The following KATNAL1 variants were observed in gnomAD, a reference collection of about 807,000 sequenced individuals.
The protein encoded by KATNAL1 is katanin p60 ATPase-containing subunit A-like 1.
Under a neutral mutation model 55.2 loss-of-function variants are expected in KATNAL1, and 32 were observed. The observed-to-expected ratio is 0.58, with a 90% CI of 0.44 to 0.78. The LOEUF (loss-of-function observed/expected upper bound fraction) is 0.78. Among genes scored for constraint, KATNAL1 ranks in the 30% least tolerant of loss-of-function variants. KATNAL1 has a pLI of 0.00. For synonymous variants in KATNAL1, 193 were observed against 193.6 expected (o/e 1.00, Z 0.02); for missense variants, 466 against 600.9 (o/e 0.78, Z 2.35).
At position 30,240,466 on chromosome 13, in the gene KATNAL1, T is replaced by C. The variant is rs1277694146; in HGVS notation, c.720A>G (p.Pro240=). The C allele has an allele frequency of 2.5e-6, 4 of 1,607,494 alleles. No individual in the cohort carries two copies. Among genetic ancestry groups the C allele is most frequent in the Admixed American group, 1.7e-5 (1 of 59,966 alleles). The change falls in exon 6 of 11, where the codon CCA becomes CCG. Residue 240 remains proline, a synonymous_variant. Transcript: ENST00000380615. ...MPDFFKGIRR[P]WKGVLMVGPP... ...CAATTTAATAAATTCTCACCTTCCA[T>C]GGCCTTCTAATCCCTTTGAAAAAGT...
chr13:30,265,408 TA>T (rs995570101), intron 3 of KATNAL1, among the ~76,000 whole-genome samples: 15 of 99,388 alleles, frequency 1.5e-4, no homozygotes, highest in South Asian at 1.0e-3. Context: ...ATAAAAAAAT[TA>T]AAAAAAAAGA....
intron 4 of KATNAL1, among the ~76,000 whole-genome samples, chr13:30,252,402 C>G (rs1196268186): frequency 6.6e-6 from 1 of 152,170 alleles, no homozygotes; most frequent in Non-Finnish European, 1.5e-5. Context: ...GGACCTTAAG[C>G]AAGATATGTC....
intron 9 of KATNAL1, among the ~76,000 whole-genome samples, chr13:30,220,956 CCCAGAGTGCT>C (rs1167984418): frequency 6.6e-6 from 1 of 152,138 alleles, no homozygotes. Context: ...ACATTGGCCT[CCCAGAGTGCT>C]GGGATTACAG....
intron 9 of KATNAL1, among the ~76,000 whole-genome samples, chr13:30,224,587 T>C (rs769414939): frequency 6.6e-6 from 1 of 151,162 alleles, no homozygotes; most frequent in African/African-American, 2.4e-5. Flanking sequence ...TAACCTTAGT[T>C]TCTAACTTCA....
In KATNAL1 at chr13:30,280,183, C is replaced by A; in HGVS notation, c.203G>T (p.Ser68Ile). Residue 68 changes from serine (S) to isoleucine (I), a missense_variant, in exon 3 of 11, where the codon AGT becomes ATT. Around this residue, in one of 3 missense-constraint regions of KATNAL1, gnomAD observed 248 missense variants for 275.5 expected, o/e 0.90. Coordinates refer to ENST00000380615, the MANE Select transcript of KATNAL1 (RefSeq NM_032116.5). ...ELLEEYEQVK[S>I]IVSTLESFKI... The stretch of plus-strand genomic sequence containing the variant: ...AAAACTTTCTAAAGTGCTGACAATA[C>A]TTTTAACTTGTTCATATTCCTCCAA... 1 of 1,609,836 alleles carries A rather than the reference C, an allele frequency of 6.2e-7. No individual in the cohort carries two copies. The highest frequency in any genetic ancestry group is 8.5e-7 in the Non-Finnish European group (1 of 1,178,620).
At chr13:30,290,544 C>CT (rs899768539) in intron 1 of KATNAL1, among the ~76,000 whole-genome samples, 14 of 151,228 alleles carry the variant, frequency 9.3e-5, no homozygotes, top group Non-Finnish European at 1.5e-4. Context: ...ATTTCCAACT[C>CT]TTTTTTTTTC....
intron 1 of KATNAL1, chr13:30,296,133 C>A: frequency 2.2e-6 from 1 of 444,908 alleles, no homozygotes; most frequent in Non-Finnish European, 4.1e-6. Context: ...TTTGCCCACA[C>A]AGCTTGTTCA....
At chr13:30,270,270 C>T (rs1323533122) in intron 3 of KATNAL1, among the ~76,000 whole-genome samples, 5 of 142,404 alleles carry the variant, frequency 3.5e-5, no homozygotes, top group African/African-American at 1.0e-4. Flanking sequence ...CCCCCCCGCC[C>T]GGCCAGCCAC....
rs1485212087 is a variant in KATNAL1, at chr13:30,290,045, A to C, written c.-14-6254T>G. Among the ~76,000 whole-genome samples the C allele has an allele frequency of 1.6e-4, 24 of 152,230 alleles. 1 individual carries two copies. Among genetic ancestry groups the C allele is most frequent in the Admixed American group, 1.5e-3 (23 of 15,280 alleles). On this transcript the variant is annotated intron_variant, in intron 1 of 10. Coordinates refer to ENST00000380615, the MANE Select transcript of KATNAL1 (RefSeq NM_032116.5). ...TCAACCTTATAAAAATGCAAAAATC[A>C]TTCCTGATTCATGAGCCATTCAAGA...
rs1396203503 is a variant in KATNAL1, at chr13:30,205,034, T to C, written c.*3506A>G. 6.6e-6 allele frequency: 1 copy of C among 152,212 alleles called. No individual in the cohort carries two copies. Among genetic ancestry groups the C allele is most frequent in the East Asian group, 1.9e-4 (1 of 5,202 alleles). 9.4% of individuals were successfully genotyped at this position (152,212 alleles called of 1,614,324 possible). ...AAGGTTTATAGTAAACATGTCATGC[T>C]TATAATAAACAGGCAGCTTGGGAAA... On this transcript the variant is annotated 3_prime_UTR_variant, in exon 11 of 11. Transcript: ENST00000380615.
chr13:30,252,618 G>C (rs1470805207), intron 4 of KATNAL1, among the ~76,000 whole-genome samples: 4 of 152,038 alleles, frequency 2.6e-5, no homozygotes, highest in Admixed American at 2.0e-4. Context: ...TGAGTTTTCT[G>C]TTCTACTCTG....
intron 6 of KATNAL1, among the ~76,000 whole-genome samples, chr13:30,234,752 G>A (rs75311781): frequency 0.025 from 3,814 of 152,216 alleles, 69 homozygotes; most frequent in Middle Eastern, 0.054. Context: ...ATTTAAGCCT[G>A]CTCCTTTCTC....
Position 30,307,515 on chromosome 13 carries a change from G to A in KATNAL1, c.-199C>T, listed in dbSNP as rs1883260804. 1 of 152,326 alleles carries A rather than the reference G, an allele frequency of 6.6e-6. No homozygotes were observed. The highest frequency in any genetic ancestry group is 1.5e-5 in the Non-Finnish European group (1 of 68,140). 9.4% of individuals were successfully genotyped at this position (152,326 alleles called of 1,614,324 possible). A position where few individuals can be genotyped will look rare whatever the true frequency, so the allele number is the denominator to read the frequency against. On this transcript the variant is annotated 5_prime_UTR_variant, in exon 1 of 11. Transcript: ENST00000380615. ...TGGGCGCAGCGCGGGAGGGAGCGCG[G>A]GGGCTGTGAGTCCGCTCTGGGGCGG...
intron 3 of KATNAL1, among the ~76,000 whole-genome samples, chr13:30,261,736 A>G (rs1403720516): frequency 6.6e-6 from 1 of 152,230 alleles, no homozygotes; most frequent in East Asian, 1.9e-4. Flanking sequence ...AGTGACCTAC[A>G]AAGAGACTTA....
At chr13:30,235,230 G>A (rs1225551790) in intron 6 of KATNAL1, among the ~76,000 whole-genome samples, 1 of 152,198 alleles carries the variant, frequency 6.6e-6, no homozygotes, top group African/African-American at 2.4e-5. Flanking sequence ...CAGTTCTGCA[G>A]GCTGTACGGG....
intron 3 of KATNAL1, among the ~76,000 whole-genome samples, chr13:30,275,419 G>A (rs763893176): frequency 2.0e-5 from 3 of 152,122 alleles, no homozygotes; most frequent in Non-Finnish European, 4.4e-5. Context: ...CTCCCACCAG[G>A]CCCCATCTCC....
intron 4 of KATNAL1, among the ~76,000 whole-genome samples, chr13:30,254,370 C>A (rs991622417): frequency 6.6e-6 from 1 of 152,136 alleles, no homozygotes; most frequent in African/African-American, 2.4e-5. Context: ...TGTTTCATGG[C>A]ATAAAAGCTC....
chr13:30,304,347 GC>G (rs1254631912), intron 1 of KATNAL1, among the ~76,000 whole-genome samples: 1 of 150,102 alleles, frequency 6.7e-6, no homozygotes, highest in Non-Finnish European at 1.5e-5. Context: ...TTGGCTCACT[GC>G]AACCTCTGCC....
At chr13:30,306,965 G>C (rs760262005) in intron 1 of KATNAL1, 1 of 152,410 alleles carries the variant, frequency 6.6e-6, no homozygotes, top group Non-Finnish European at 1.5e-5. Flanking sequence ...CCAACGCACA[G>C]AGCCCAGGTC....
Sources: gnomAD v4.1 joint callset for allele counts (sites outside exome capture counted in the v4.1 genomes callset) on GRCh38, gnomAD v4.1.1 for gene constraint, gnomAD v4.1.1 regional missense constraint, MANE v1.5 for transcripts, NCBI Gene and HGNC (gene_info 2026-07-23, HGNC 2026-07-21) for gene names.